TXNDC12: variants seen among roughly 807,000 people sequenced by gnomAD.
TXNDC12 encodes thioredoxin domain containing 12, also known as thioredoxin domain-containing protein 12.
TXNDC12 carries 22 observed loss-of-function variants against 24.2 expected under a neutral mutation model. The ratio of observed to expected loss-of-function variants is 0.91; its 90% CI spans 0.65 to 1.30. TXNDC12 has a LOEUF of 1.30. Among genes scored for constraint, TXNDC12 ranks in the 50% most tolerant of loss-of-function variants. The pLI, the probability that TXNDC12 is intolerant of heterozygous loss-of-function variation, is 0.00. For missense variants in TXNDC12, 184 were observed against 205.8 expected (o/e 0.89, Z 0.65); for synonymous variants, 58 against 73.4 (o/e 0.79, Z 1.07).
intron 1 of TXNDC12, among the ~76,000 whole-genome samples, chr1:52,050,251 A>G (rs1686175779): frequency 6.6e-6 from 1 of 152,198 alleles, no homozygotes; most frequent in African/African-American, 2.4e-5. Context: ...AAAAGGTACA[A>G]TGTTTACCTT....
chr1:52,030,744 G>A (rs1016306089), intron 2 of TXNDC12, among the ~76,000 whole-genome samples: 1 of 152,126 alleles, frequency 6.6e-6, no homozygotes, highest in Admixed American at 6.5e-5. Flanking sequence ...GCAAACTAGG[G>A]TCTGCAGGCC....
intron 1 of TXNDC12, among the ~76,000 whole-genome samples, chr1:52,046,640 C>T (rs2124389163): frequency 6.6e-6 from 1 of 152,092 alleles, no homozygotes. Context: ...CTTTTGGAGG[C>T]CAAGGCAGGC....
intron 2 of TXNDC12, among the ~76,000 whole-genome samples, chr1:52,037,720 TG>T (rs1685911826): frequency 6.6e-6 from 1 of 152,182 alleles, no homozygotes; most frequent in African/African-American, 2.4e-5. Flanking sequence ...CACTGGCAGC[TG>T]GTGTTTATCT....
chr1:52,037,364 CA>C (rs1685903163), intron 2 of TXNDC12, among the ~76,000 whole-genome samples: 1 of 152,118 alleles, frequency 6.6e-6, no homozygotes, highest in African/African-American at 2.4e-5. Flanking sequence ...AGGCATGTGC[CA>C]CCACGCCCGG....
At chr1:52,033,195 A>G (rs768235591) in intron 2 of TXNDC12, 5 of 1,614,160 alleles carry the variant, frequency 3.1e-6, no homozygotes, top group Non-Finnish European at 4.2e-6. Flanking sequence ...CTGAATCCGG[A>G]GTCACAAGAG....
Position 52,030,307 on chromosome 1 carries a change from A to AAAAT in TXNDC12, c.159-1681_159-1678dup, listed in dbSNP as rs1220606544. On this transcript the variant is annotated intron_variant, in intron 2 of 6. Transcript: ENST00000371626. ...TGGGAGACAGCCAGACCTTGTCTCA[A>AAAAT]AAATAAATAAATAAAAAAAAATAAA... is the stretch of plus-strand genomic sequence containing the variant. 2.0e-5 allele frequency: 3 copies of AAAAT among 152,296 alleles called. No homozygotes were observed. The East Asian group carries it at 5.8e-4, about 29-fold the overall frequency. 9.4% of individuals were successfully genotyped at this position (152,296 alleles called of 1,614,324 possible).
chr1:52,037,554 G>A (rs190590731), intron 2 of TXNDC12, among the ~76,000 whole-genome samples: 1 of 152,238 alleles, frequency 6.6e-6, no homozygotes, highest in East Asian at 1.9e-4. Flanking sequence ...AACTCATGGG[G>A]CTCTGGGTGG....
intron 2 of TXNDC12, among the ~76,000 whole-genome samples, chr1:52,031,723 TC>T (rs1157704169): frequency 6.6e-6 from 1 of 152,040 alleles, no homozygotes; most frequent in East Asian, 1.9e-4. Context: ...ACTCCTGACC[TC>T]GATTTTGGAC....
At chr1:52,050,004 G>A (rs1473591480) in intron 1 of TXNDC12, among the ~76,000 whole-genome samples, 1 of 152,102 alleles carries the variant, frequency 6.6e-6, no homozygotes, top group Non-Finnish European at 1.5e-5. Flanking sequence ...TATAAATAAG[G>A]AAGCTGAACT....
In TXNDC12 at chr1:52,020,855, G is replaced by T; in HGVS notation, c.*78C>A. On this transcript the variant is annotated 3_prime_UTR_variant, in exon 7 of 7. Transcript: ENST00000371626. ...TTTCCTGGTCGGCTTAATTGTTCTA[G>T]ATGATTCCTCAATATTCCCTTCCCT... is the stretch of plus-strand genomic sequence containing the variant. 7.9e-7 allele frequency: 1 copy of T among 1,259,346 alleles called. No homozygotes were observed. The highest frequency in any genetic ancestry group is 1.2e-6 in the Non-Finnish European group (1 of 865,996). The allele number at this position is 1,259,346 out of a possible 1,614,324, so 78.0% of individuals were successfully genotyped here.
At chr1:52,053,263 A>C (rs1013845997) in intron 1 of TXNDC12, among the ~76,000 whole-genome samples, 1 of 152,116 alleles carries the variant, frequency 6.6e-6, no homozygotes, top group Non-Finnish European at 1.5e-5. Flanking sequence ...CGTCTCAAAA[A>C]CAAAAGCAAA....
intron 2 of TXNDC12, among the ~76,000 whole-genome samples, chr1:52,036,273 A>C (rs1179860415): frequency 6.6e-6 from 1 of 152,226 alleles, no homozygotes; most frequent in African/African-American, 2.4e-5. Context: ...TATTCTTACA[A>C]TAAAGTAAAC....
At chr1:52,048,712 C>T (rs1430527378) in intron 1 of TXNDC12, among the ~76,000 whole-genome samples, 3 of 151,974 alleles carry the variant, frequency 2.0e-5, no homozygotes, top group Admixed American at 2.0e-4. Flanking sequence ...TAAAAATTAG[C>T]TGGGTGTGGT....
intron 4 of TXNDC12, among the ~76,000 whole-genome samples, chr1:52,026,053 A>T (rs1685668010): frequency 1.3e-5 from 2 of 150,514 alleles, no homozygotes; most frequent in East Asian, 2.0e-4. Flanking sequence ...CTGGTCTTGA[A>T]CTCCTGACCT....
intron 1 of TXNDC12, among the ~76,000 whole-genome samples, chr1:52,049,099 T>C (rs966794391): frequency 2.6e-5 from 4 of 152,134 alleles, no homozygotes; most frequent in South Asian, 2.1e-4. Context: ...TATTTAACTT[T>C]AATAAATTTA....
intron 5 of TXNDC12, 147 bp from the exon 6 acceptor site, chr1:52,023,721 G>T: frequency 1.7e-6 from 1 of 578,420 alleles, no homozygotes; most frequent in East Asian, 3.1e-5. Flanking sequence ...CTACATTTCT[G>T]CTTCCTTTTC....
rs12039402 is a variant in TXNDC12 at position 52,037,043 on chromosome 1, T to C, written c.158+4494A>G. On this transcript the variant is annotated intron_variant, in intron 2 of 6. Transcript: ENST00000371626. Reference sequence around the variant, plus strand: ...AACGACAATGGCATCTTCAACGATATAATCCTCCTAAACTTTCATGATGTT... The same window carrying C: ...AACGACAATGGCATCTTCAACGATACAATCCTCCTAAACTTTCATGATGTT... Among the ~76,000 whole-genome samples the C allele has an allele frequency of 0.01, 1,542 of 152,286 alleles. 80 individuals are homozygous for C. In the East Asian group the frequency reaches 0.13, roughly 13 times the overall value.
intron 6 of TXNDC12, among the ~76,000 whole-genome samples, chr1:52,021,809 G>A (rs1415007620): frequency 2.6e-5 from 4 of 152,200 alleles, no homozygotes; most frequent in Admixed American, 2.0e-4. Flanking sequence ...ATAAGAGGCA[G>A]ATAATACAGT....
Position 52,023,534 on chromosome 1 carries a change from A to C in TXNDC12, c.396T>G (p.Asn132Lys), listed in dbSNP as rs780027979. Residue 132 changes from asparagine (N) to lysine (K), a missense_variant, in exon 6 of 7, where the codon AAT becomes AAG. Coordinates refer to ENST00000371626, the MANE Select transcript of TXNDC12 (RefSeq NM_015913.4). ...AAAAATACTTGTAGCTGGGGTTTCCATTCTCATTGATGATTTCAGGATGCA... is the reference window on the plus strand; with the variant it reads ...AAAAATACTTGTAGCTGGGGTTTCCCTTCTCATTGATGATTTCAGGATGCA... ...GKVHPEIINE[N>K]GNPSYKYFYV... The C allele has an allele frequency of 6.2e-6, 10 of 1,614,100 alleles. No homozygotes were observed. The highest frequency in any genetic ancestry group is 8.5e-6 in the Non-Finnish European group (10 of 1,179,998).
Sources: gnomAD v4.1 joint callset for allele counts (sites outside exome capture counted in the v4.1 genomes callset) on GRCh38, gnomAD v4.1.1 for gene constraint, MANE v1.5 for transcripts, NCBI Gene and HGNC (gene_info 2026-07-23, HGNC 2026-07-21) for gene names.